The following RAB7A variants were observed in gnomAD, a reference collection of about 807,000 sequenced individuals.
RAB7A encodes the protein ras-related protein Rab-7a.
A neutral mutation model predicts 24.5 loss-of-function variants in RAB7A; 2 were observed. The ratio of observed to expected loss-of-function variants is 0.08; its 90% CI spans 0.03 to 0.26. The LOEUF (loss-of-function observed/expected upper bound fraction) is 0.26, where lower values mean the gene tolerates loss of function less well. Ranked by LOEUF, RAB7A falls within the 10% of genes least tolerant of loss-of-function variation. The pLI is 1.00. For missense variants in RAB7A, 118 were observed against 255.7 expected (o/e 0.46, Z 3.67); for synonymous variants, 100 against 95.9 (o/e 1.04, Z -0.25).
At chr3:128,804,648 C>T (rs1933764526) in intron 3 of RAB7A, among the ~76,000 whole-genome samples, 1 of 152,098 alleles carries the variant, frequency 6.6e-6, no homozygotes, top group African/African-American at 2.4e-5. Context: ...AACTTGTTGA[C>T]TTCTTTTTGA....
intron 1 of RAB7A, among the ~76,000 whole-genome samples, chr3:128,752,241 C>T (rs1239650124): frequency 1.3e-5 from 2 of 152,074 alleles, no homozygotes; most frequent in Non-Finnish European, 2.9e-5. Context: ...CAACTGTATA[C>T]TGACTACACT....
intron 1 of RAB7A, among the ~76,000 whole-genome samples, chr3:128,792,659 CG>C (rs967988038): frequency 1.3e-5 from 2 of 151,502 alleles, no homozygotes; most frequent in African/African-American, 4.9e-5. Context: ...CCACCTGCCT[CG>C]GCCTCCCAAA....
intron 2 of RAB7A, among the ~76,000 whole-genome samples, chr3:128,797,245 A>G (rs906748707): frequency 1.3e-5 from 2 of 152,210 alleles, no homozygotes; most frequent in African/African-American, 4.8e-5. Context: ...TAACACAAAT[A>G]TGAACATGTT....
chr3:128,788,514 C>T (rs757875479), intron 1 of RAB7A, among the ~76,000 whole-genome samples: 2 of 152,172 alleles, frequency 1.3e-5, no homozygotes, highest in Non-Finnish European at 2.9e-5. Flanking sequence ...TGTGTCCTGA[C>T]GGATGACAAG....
intron 1 of RAB7A, among the ~76,000 whole-genome samples, chr3:128,783,986 C>T (rs1442724263): frequency 3.3e-5 from 5 of 152,162 alleles, no homozygotes; most frequent in South Asian, 4.1e-4. Context: ...AGACAGCAGA[C>T]CTCTAGATGG....
intron 1 of RAB7A, among the ~76,000 whole-genome samples, chr3:128,773,734 T>C (rs1161802391): frequency 2.6e-5 from 4 of 152,252 alleles, no homozygotes; most frequent in Non-Finnish European, 5.9e-5. Context: ...TGTTCTGTAC[T>C]AAGAAAAATT....
At chr3:128,778,861 A>C (rs1933151866) in intron 1 of RAB7A, among the ~76,000 whole-genome samples, 1 of 152,234 alleles carries the variant, frequency 6.6e-6, no homozygotes, top group Non-Finnish European at 1.5e-5. Context: ...TGGGTGTCTC[A>C]AATAATAAGG....
At chr3:128,774,201 T>TAA (rs796939918) in intron 1 of RAB7A, among the ~76,000 whole-genome samples, 1 of 132,862 alleles carries the variant, frequency 7.5e-6, no homozygotes, top group African/African-American at 2.8e-5. Flanking sequence ...AAAAAAAAAT[T>TAA]AAAAAAAAAA....
At chr3:128,738,233 A>G (rs1321064192) in intron 1 of RAB7A, among the ~76,000 whole-genome samples, 1 of 151,856 alleles carries the variant, frequency 6.6e-6, no homozygotes, top group African/African-American at 2.4e-5. Flanking sequence ...GGTCTTGGCC[A>G]TATTGCCCAG....
Position 128,813,389 on chromosome 3 carries a change from G to C in RAB7A, c.591G>C (p.Arg197=), listed in dbSNP as rs1933967815. 6.2e-7 allele frequency: 1 copy of C among 1,614,058 alleles called. No homozygotes were observed. Residue 197 remains arginine, a synonymous_variant, in exon 6 of 6, where the codon CGG becomes CGC. Coordinates refer to ENST00000265062, the MANE Select transcript of RAB7A (RefSeq NM_004637.6). ...CTATCAAACTGGACAAGAATGACCGGGCCAAGGCCTCGGCAGAAAGCTGCA... is the reference window on the plus strand; with the variant it reads ...CTATCAAACTGGACAAGAATGACCGCGCCAAGGCCTCGGCAGAAAGCTGCA... The part of the protein sequence containing the change: ...PEPIKLDKND[R]AKASAESCSC
chr3:128,793,460 A>G (rs1269724347), intron 1 of RAB7A, among the ~76,000 whole-genome samples: 3 of 151,506 alleles, frequency 2.0e-5, no homozygotes, highest in African/African-American at 4.9e-5. Context: ...AGCCTTTTCT[A>G]TTTTTAGTAG....
intron 3 of RAB7A, chr3:128,798,821 TAAAAAAA>T (rs56925997): frequency 1.1e-4 from 16 of 150,576 alleles, no homozygotes; most frequent in East Asian, 2.2e-4. Flanking sequence ...TCTCTAAATT[TAAAAAAA>T]AAAAAAAAAA....
chr3:128,742,863 G>A (rs571174489), intron 1 of RAB7A, among the ~76,000 whole-genome samples: 3 of 152,350 alleles, frequency 2.0e-5, no homozygotes, highest in South Asian at 2.1e-4. Context: ...AGCTGGCTTC[G>A]CCTAGCGGAT....
chr3:128,797,504 C>T (rs1933602297), intron 2 of RAB7A, among the ~76,000 whole-genome samples: 1 of 152,172 alleles, frequency 6.6e-6, no homozygotes, highest in African/African-American at 2.4e-5. Flanking sequence ...CTGCTGAAAG[C>T]CAAGGTCTTC....
intron 3 of RAB7A, among the ~76,000 whole-genome samples, chr3:128,799,607 A>G (rs1201238833): frequency 6.6e-6 from 1 of 152,206 alleles, no homozygotes; most frequent in Non-Finnish European, 1.5e-5. Context: ...TCTAGGACAG[A>G]GCTGGTATGA....
chr3:128,727,084 C>T (rs1429482884), intron 1 of RAB7A, among the ~76,000 whole-genome samples: 2 of 152,190 alleles, frequency 1.3e-5, no homozygotes, highest in Admixed American at 1.3e-4. Flanking sequence ...TCATTTTAGG[C>T]TTGATACCTA....
intron 1 of RAB7A, among the ~76,000 whole-genome samples, chr3:128,751,696 T>C (rs1324784642): frequency 6.6e-6 from 1 of 152,162 alleles, no homozygotes; most frequent in African/African-American, 2.4e-5. Context: ...GCTAAGACTT[T>C]GGGGGACTGT....
chr3:128,745,239 A>C (rs2070600649), intron 1 of RAB7A, among the ~76,000 whole-genome samples: 1 of 152,186 alleles, frequency 6.6e-6, no homozygotes, highest in South Asian at 2.1e-4. Context: ...TGTTGCCTAA[A>C]CTAGGGTATG....
At chr3:128,751,995 C>T (rs777536144) in intron 1 of RAB7A, among the ~76,000 whole-genome samples, 10 of 152,200 alleles carry the variant, frequency 6.6e-5, no homozygotes, top group Non-Finnish European at 1.3e-4. Flanking sequence ...ACTTGCTCCT[C>T]CTTGCCCTCT....
Sources: gnomAD v4.1 joint callset for allele counts (sites outside exome capture counted in the v4.1 genomes callset) on GRCh38, gnomAD v4.1.1 for gene constraint, MANE v1.5 for transcripts, NCBI Gene and HGNC (gene_info 2026-07-23, HGNC 2026-07-21) for gene names.